PLAU: variants seen among roughly 807,000 people sequenced by gnomAD.
PLAU encodes plasminogen activator, urokinase.
Under a neutral mutation model 48.9 loss-of-function variants are expected in PLAU, and 32 were observed. That is an observed-to-expected ratio of 0.65 (90% confidence interval 0.49 to 0.88). The LOEUF (loss-of-function observed/expected upper bound fraction) is 0.88, where lower values mean the gene tolerates loss of function less well. Ranked by LOEUF, PLAU falls within the 40% of genes least tolerant of loss-of-function variation. The pLI is 0.00. For missense variants in PLAU, 455 were observed against 545.2 expected (o/e 0.83, Z 1.65); for synonymous variants, 199 against 205.7 (o/e 0.97, Z 0.28).
At position 73,913,670 on chromosome 10, in the gene PLAU, A is replaced by G. The variant is rs752875420; in HGVS notation, c.592A>G (p.Arg198Gly). The change falls in exon 7 of 11, where the codon AGG becomes GGG. Residue 198 changes from arginine to glycine, a missense_variant. Arg to Gly is a moderately radical substitution (Grantham distance 125, BLOSUM62 -2). Coordinates refer to ENST00000372764, the MANE Select transcript of PLAU (RefSeq NM_002658.6). Reference sequence around the variant, plus strand: ...CCAGCCCTGGTTTGCGGCCATCTACAGGAGGCACCGGGGGGGCTCTGTCAC... The same window carrying G: ...CCAGCCCTGGTTTGCGGCCATCTACGGGAGGCACCGGGGGGGCTCTGTCAC... ...ENQPWFAAIY[R>G]RHRGGSVTYV... 7 of 1,613,608 alleles carry G rather than the reference A, an allele frequency of 4.3e-6. No individual in the cohort carries two copies. The Admixed American group carries it at 8.3e-5, about 19-fold the overall frequency.
At chr10:73,911,747 G>A in intron 2 of PLAU, 135 bp downstream of exon 2, 1 of 1,553,450 alleles carries the variant, frequency 6.4e-7, no homozygotes. Flanking sequence ...CAGGAAATGG[G>A]ACAGGGTGGC....
At chr10:73,914,278 C>A in intron 8 of PLAU, 150 bp downstream of exon 8, 1 of 717,406 alleles carries the variant, frequency 1.4e-6, no homozygotes, top group Non-Finnish European at 2.3e-6. Context: ...AAGGGAGTGG[C>A]AGGGAAGAGT....
At chr10:73,912,184 C>T in intron 3 of PLAU, 31 bp from the exon 4 acceptor site, 1 of 1,614,180 alleles carries the variant, frequency 6.2e-7, no homozygotes, top group South Asian at 1.1e-5. Context: ...CTTCCACTCC[C>T]CCTCGCTTAC....
upstream of PLAU, chr10:73,909,148 T>C (rs2131709724): frequency 1.3e-5 from 2 of 152,150 alleles, no homozygotes; most frequent in Non-Finnish European, 2.9e-5. Flanking sequence ...AACCTCTTTG[T>C]CCAGGAGGAA....
upstream of PLAU, among the ~76,000 whole-genome samples, chr10:73,908,888 G>C (rs1451114423): frequency 6.7e-6 from 1 of 148,796 alleles, no homozygotes. Flanking sequence ...ATGGCTGGGC[G>C]TGGTGGCTCA....
intron 10 of PLAU, among the ~76,000 whole-genome samples, chr10:73,915,668 T>C (rs975657901): frequency 4.6e-5 from 7 of 151,688 alleles, no homozygotes; most frequent in Non-Finnish European, 1.0e-4. Flanking sequence ...GTGCCCAGGG[T>C]GTGTTGTGAA....
At chr10:73,913,801 C>A in intron 7 of PLAU, 43 bp downstream of exon 7, 1 of 1,475,320 alleles carries the variant, frequency 6.8e-7, no homozygotes, top group Non-Finnish European at 9.3e-7. Flanking sequence ...CTGCCCCACC[C>A]CAAGCACATC....
At position 73,916,290 on chromosome 10, in the gene PLAU, T is replaced by C. The variant is rs372473389; in HGVS notation, c.1120-99T>C. ...ATGGGAAGTCGCTAAGGACTTTGAC[T>C]GGGAAACTCTTCCCTCTCTCTGGTA... On this transcript the variant is annotated intron_variant, in intron 10 of 10. Transcript: ENST00000372764. The C allele has an allele frequency of 9.9e-5, 107 of 1,085,650 alleles. 1 individual carries two copies. Among genetic ancestry groups the C allele is most frequent in the East Asian group, 8.0e-4 (31 of 38,874 alleles). The allele number at this position is 1,085,650 out of a possible 1,614,324, so 67.3% of individuals were successfully genotyped here.
chr10:73,913,478 G>A (rs2096129326), intron 6 of PLAU, 61 bp from the exon 7 acceptor site: 2 of 1,552,300 alleles, frequency 1.3e-6, no homozygotes, highest in Non-Finnish European at 8.9e-7. Flanking sequence ...GGTGGGGGGT[G>A]CCCGAGAGGG....
At position 73,911,143 on chromosome 10, in the gene PLAU, ACC is replaced by A. The variant is rs2096122894; in HGVS notation, c.-106_-105del. On this transcript the variant is annotated 5_prime_UTR_variant, in exon 1 of 11. Coordinates refer to ENST00000372764, the MANE Select transcript of PLAU (RefSeq NM_002658.6). ...CCGCGGGTCGCAGCACAGTGCGGAG[ACC>A]GCAGCCCCGGAGCCCGGGCCAGGGT... is the stretch of plus-strand genomic sequence containing the variant. 1 of 226,678 alleles carries A rather than the reference ACC, an allele frequency of 4.4e-6. No homozygotes were observed. Among genetic ancestry groups the A allele is most frequent in the African/African-American group, 2.4e-5 (1 of 42,422 alleles). 14.0% of individuals were successfully genotyped at this position (226,678 alleles called of 1,614,324 possible).
intron 7 of PLAU, 56 bp downstream of exon 7, chr10:73,913,814 T>C (rs2136188935): frequency 1.4e-6 from 2 of 1,450,902 alleles, no homozygotes; most frequent in East Asian, 4.6e-5. Context: ...AGCACATCCC[T>C]TTCTCCTTCC....
In PLAU at chr10:73,917,424, A is replaced by C. The variant is rs1482878164; in HGVS notation, c.*859A>C. Reference sequence around the variant, plus strand: ...GACCACTCCTGTACACTGAATATTTATATTTCACTATTTTTATTTATATTT... The same window carrying C: ...GACCACTCCTGTACACTGAATATTTCTATTTCACTATTTTTATTTATATTT... On this transcript the variant is annotated 3_prime_UTR_variant, in exon 11 of 11. Transcript: ENST00000372764. 1 of 152,592 alleles carries C rather than the reference A, an allele frequency of 6.6e-6. No homozygotes were observed. The highest frequency in any genetic ancestry group is 1.5e-5 in the Non-Finnish European group (1 of 68,036). 9.5% of individuals were successfully genotyped at this position (152,592 alleles called of 1,614,324 possible). A position where few individuals can be genotyped will look rare whatever the true frequency, so the allele number is the denominator to read the frequency against.
At chr10:73,909,625 C>T (rs899109422), upstream of PLAU, among the ~76,000 whole-genome samples, 8 of 152,196 alleles carry the variant, frequency 5.3e-5, no homozygotes, top group Non-Finnish European at 1.2e-4. Context: ...TGGCACTCTC[C>T]CTGCCTTCCT....
rs776428822 is a variant in PLAU at position 73,911,729 on chromosome 10, A to T, written c.57+117A>T. On this transcript the variant is annotated intron_variant, in intron 2 of 10. Coordinates refer to ENST00000372764, the MANE Select transcript of PLAU (RefSeq NM_002658.6). ...CGGATTCCATCCACAGCAGGGCCAG[A>T]CTCTCCCCAGGAAATGGGACAGGGT... 9.9e-5 allele frequency: 154 copies of T among 1,556,346 alleles called. 1 individual carries two copies. In the Middle Eastern group the frequency reaches 1.0e-3, roughly 10 times the overall value.
At chr10:73,914,442 T>G (rs1198059733) in intron 8 of PLAU, among the ~76,000 whole-genome samples, 1 of 152,186 alleles carries the variant, frequency 6.6e-6, no homozygotes, top group Non-Finnish European at 1.5e-5. Context: ...CCTTCCTTTG[T>G]GGGATGCAGC....
rs554223970 is a variant in PLAU, at chr10:73,911,818, G to A, written c.57+206G>A. On this transcript the variant is annotated intron_variant, in intron 2 of 10. Coordinates refer to ENST00000372764, the MANE Select transcript of PLAU (RefSeq NM_002658.6). ...CTGGCAAGGGAGGAAGAGGCCGCCG[G>A]GACTGCCCCAGCCTGCGGGCATCTG... 486 of 1,551,844 alleles carry A rather than the reference G, an allele frequency of 3.1e-4. 1 individual carries two copies. The African/African-American group carries it at 6.0e-3, about 19-fold the overall frequency.
rs780417655 is a variant in PLAU, at chr10:73,912,088, A to G, written c.85+20A>G. On this transcript the variant is annotated intron_variant, in intron 3 of 10. Coordinates refer to ENST00000372764, the MANE Select transcript of PLAU (RefSeq NM_002658.6). ...TTCCATGTGAGTATCCACCCCTACA[A>G]CAGTTGGCTGCACAGACAAGTTGGG... The G allele has an allele frequency of 8.1e-6, 13 of 1,604,112 alleles. No individual in the cohort carries two copies. In the South Asian group the frequency reaches 1.3e-4, roughly 16 times the overall value.
chr10:73,916,505 C>T lies in PLAU; in HGVS notation c.1236C>T (p.Val412=). 6.2e-7 allele frequency: 1 copy of T among 1,614,034 alleles called. No homozygotes were observed. The highest frequency in any genetic ancestry group is 8.5e-7 in the Non-Finnish European group (1 of 1,179,966). Residue 412 remains valine, a synonymous_variant, in exon 11 of 11, where the codon GTC becomes GTT. Transcript: ENST00000372764. The stretch of plus-strand genomic sequence containing the variant: ...ACAAGCCAGGCGTCTACACGAGAGT[C>T]TCACACTTCTTACCCTGGATCCGCA... ...LKDKPGVYTR[V]SHFLPWIRSH...
chr10:73,914,907 G>A lies in PLAU; in HGVS notation c.961G>A (p.Glu321Lys), dbSNP rs1249999694. 1 of 1,613,994 alleles carries A rather than the reference G, an allele frequency of 6.2e-7. No individual in the cohort carries two copies. The highest frequency in any genetic ancestry group is 1.3e-5 in the African/African-American group (1 of 74,932). ...CTGTGAGATCACTGGCTTTGGAAAA[G>A]AGAATTCTAGTAAGTGACAATTGCG... ...TSCEITGFGK[E>K]NSTDYLYPEQ... The change falls in exon 9 of 11, where the codon GAG becomes AAG. Residue 321 changes from glutamate to lysine, a missense_variant. Physicochemically the swap from Glu to Lys is moderately conservative, Grantham distance 56. Transcript: ENST00000372764.
Sources: gnomAD v4.1 joint callset for allele counts (sites outside exome capture counted in the v4.1 genomes callset) on GRCh38, gnomAD v4.1.1 for gene constraint, MANE v1.5 for transcripts, NCBI Gene and HGNC (gene_info 2026-07-23, HGNC 2026-07-21) for gene names.